RSPO2: variants seen among roughly 807,000 people sequenced by gnomAD.
RSPO2 encodes R-spondin-2.
In RSPO2, 14 loss-of-function variants were observed where a neutral mutation model predicts 30.9. The ratio of observed to expected loss-of-function variants is 0.45; its 90% CI spans 0.30 to 0.71. The LOEUF (loss-of-function observed/expected upper bound fraction) is 0.71, where lower values mean the gene tolerates loss of function less well. Ranked by LOEUF, RSPO2 falls within the 30% of genes least tolerant of loss-of-function variation. The pLI, the probability that RSPO2 is intolerant of heterozygous loss-of-function variation, is 0.08. For missense variants in RSPO2, 264 were observed against 301.9 expected, an observed-to-expected ratio of 0.87 and a Z score of 0.93; for synonymous variants, 107 against 96.4, an observed-to-expected ratio of 1.11 and a Z score of -0.64.
At chr8:107,924,058 T>C (rs1168697759) in intron 5 of RSPO2, among the ~76,000 whole-genome samples, 4 of 151,090 alleles carry the variant, frequency 2.6e-5, no homozygotes, top group African/African-American at 9.7e-5. Context: ...TTTACCCATA[T>C]AACAAAGTTG....
intron 2 of RSPO2, among the ~76,000 whole-genome samples, chr8:108,001,111 G>C (rs1815231827): frequency 6.6e-6 from 1 of 152,180 alleles, no homozygotes; most frequent in Non-Finnish European, 1.5e-5. Flanking sequence ...AGAATGGCGT[G>C]AACCCAGGAG....
At chr8:107,981,384 C>T (rs980212404) in intron 3 of RSPO2, among the ~76,000 whole-genome samples, 3 of 151,912 alleles carry the variant, frequency 2.0e-5, no homozygotes, top group Non-Finnish European at 4.4e-5. Context: ...AGCCAGGCAT[C>T]GTGGCGTGCG....
chr8:108,001,023 AAATAAAAT>A lies in RSPO2; in HGVS notation c.95-11787_95-11780del, dbSNP rs539874117. On this transcript the variant is annotated intron_variant, in intron 2 of 5. Coordinates refer to ENST00000276659, the MANE Select transcript of RSPO2 (RefSeq NM_178565.5). ...GTCTTAAAAAAATAAAAATAAATAA[AAATAAAAT>A]AATAAAAAAAATTAGCCAGGCGTGG... Among the ~76,000 whole-genome samples, 591 of 144,868 alleles carry A rather than the reference AAATAAAAT, an allele frequency of 4.1e-3. 6 individuals carry two copies. The highest frequency in any genetic ancestry group is 0.015 in the African/African-American group (566 of 39,034).
chr8:108,071,512 A>G (rs899934275), intron 2 of RSPO2, among the ~76,000 whole-genome samples: 1 of 152,218 alleles, frequency 6.6e-6, no homozygotes, highest in Non-Finnish European at 1.5e-5. Flanking sequence ...CAATTGCACT[A>G]TGCTGGGTGA....
intron 2 of RSPO2, among the ~76,000 whole-genome samples, chr8:108,019,409 C>T (rs1406928829): frequency 6.6e-6 from 1 of 152,026 alleles, no homozygotes; most frequent in Non-Finnish European, 1.5e-5. Context: ...TACACACACA[C>T]ACACAACCCA....
chr8:108,016,644 G>A (rs929000317), intron 2 of RSPO2, among the ~76,000 whole-genome samples: 3 of 152,110 alleles, frequency 2.0e-5, no homozygotes, highest in Non-Finnish European at 2.9e-5. Context: ...GATAATCTTC[G>A]CAAGGTTGAT....
intron 2 of RSPO2, among the ~76,000 whole-genome samples, chr8:108,042,489 G>A (rs1242678629): frequency 6.6e-6 from 1 of 152,118 alleles, no homozygotes; most frequent in African/African-American, 2.4e-5. Flanking sequence ...ATGATTACCT[G>A]CAACCCAAGT....
intron 5 of RSPO2, among the ~76,000 whole-genome samples, chr8:107,929,763 T>G (rs958367658): frequency 2.0e-5 from 3 of 152,210 alleles, no homozygotes; most frequent in African/African-American, 7.2e-5. Flanking sequence ...TTTCAGTAAC[T>G]GCTTTTCTTC....
At chr8:108,012,479 AC>A (rs1344417989) in intron 2 of RSPO2, among the ~76,000 whole-genome samples, 2 of 152,236 alleles carry the variant, frequency 1.3e-5, no homozygotes, top group East Asian at 1.9e-4. Flanking sequence ...GATAATCTGC[AC>A]CCAAAAACCC....
At chr8:107,916,845 C>A (rs1811997864) in intron 5 of RSPO2, among the ~76,000 whole-genome samples, 1 of 152,156 alleles carries the variant, frequency 6.6e-6, no homozygotes, top group African/African-American at 2.4e-5. Context: ...GAAAATTAAT[C>A]TGTTGTGTAA....
chr8:108,033,191 GTGC>G (rs1007455173), intron 2 of RSPO2, among the ~76,000 whole-genome samples: 39 of 151,896 alleles, frequency 2.6e-4, no homozygotes, highest in African/African-American at 8.7e-4. Context: ...GTAAGCCACC[GTGC>G]CCAGTCTAGC....
chr8:107,925,206 C>T (rs1266614454), intron 5 of RSPO2, among the ~76,000 whole-genome samples: 5 of 151,550 alleles, frequency 3.3e-5, no homozygotes, highest in South Asian at 2.1e-4. Flanking sequence ...CAGTGTACAC[C>T]GCTCAGGTGA....
At chr8:107,904,360 A>G (rs1179273622) in intron 5 of RSPO2, among the ~76,000 whole-genome samples, 1 of 109,930 alleles carries the variant, frequency 9.1e-6, no homozygotes, top group Non-Finnish European at 2.4e-5. Flanking sequence ...GATCATTAGA[A>G]AAAAAAAAAA....
At chr8:107,991,395 A>G (rs1814843713) in intron 2 of RSPO2, among the ~76,000 whole-genome samples, 1 of 152,174 alleles carries the variant, frequency 6.6e-6, no homozygotes, top group South Asian at 2.1e-4. Flanking sequence ...ATATATAAAA[A>G]TTAACTCAAG....
chr8:107,945,512 T>C (rs1340508348), intron 5 of RSPO2, among the ~76,000 whole-genome samples: 1 of 152,096 alleles, frequency 6.6e-6, no homozygotes, highest in Non-Finnish European at 1.5e-5. Context: ...CCTCCCAAAG[T>C]GCTGGGATTA....
intron 5 of RSPO2, among the ~76,000 whole-genome samples, chr8:107,918,511 A>G (rs1276435029): frequency 1.3e-5 from 2 of 152,132 alleles, no homozygotes; most frequent in Admixed American, 6.6e-5. Context: ...GTCCCTGTAC[A>G]AGGTTCCTGA....
intron 5 of RSPO2, among the ~76,000 whole-genome samples, chr8:107,922,989 C>A (rs1026494675): frequency 1.3e-5 from 2 of 152,080 alleles, no homozygotes; most frequent in African/African-American, 2.4e-5. Context: ...TGGAAGACAA[C>A]CTGGGCAATA....
intron 5 of RSPO2, among the ~76,000 whole-genome samples, chr8:107,928,634 A>G (rs921565664): frequency 2.0e-5 from 3 of 151,776 alleles, no homozygotes; most frequent in East Asian, 1.9e-4. Flanking sequence ...GGAGAGCAAT[A>G]TAACAGACAA....
chr8:107,915,207 A>G (rs566838870), intron 5 of RSPO2, among the ~76,000 whole-genome samples: 3 of 152,350 alleles, frequency 2.0e-5, no homozygotes, highest in African/African-American at 7.2e-5. Context: ...TGACTAACAA[A>G]TTACAAATAT....
Sources: gnomAD v4.1 joint callset for allele counts (sites outside exome capture counted in the v4.1 genomes callset) on GRCh38, gnomAD v4.1.1 for gene constraint, MANE v1.5 for transcripts, NCBI Gene and HGNC (gene_info 2026-07-23, HGNC 2026-07-21) for gene names.